The following COL28A1 variants were observed in gnomAD, a reference collection of about 807,000 sequenced individuals.
COL28A1 encodes collagen alpha-1(XXVIII) chain.
COL28A1 carries 161 observed loss-of-function variants against 150.2 expected under a neutral mutation model. The observed-to-expected ratio is 1.07, with a 90% CI of 0.94 to 1.22. The LOEUF (loss-of-function observed/expected upper bound fraction) is 1.22. Ranked by LOEUF, COL28A1 falls within the 50% of genes most tolerant of loss-of-function variation. COL28A1 has a pLI of 0.00. For synonymous variants in COL28A1, 552 were observed against 469.7 expected (o/e 1.18, Z -2.26); for missense variants, 1,617 against 1,388.3 (o/e 1.16, Z -2.62).
At chr7:7,514,914 G>A (rs545986504) in intron 8 of COL28A1, among the ~76,000 whole-genome samples, 1 of 152,152 alleles carries the variant, frequency 6.6e-6, no homozygotes, top group Non-Finnish European at 1.5e-5. Flanking sequence ...ATATGGAAAG[G>A]AGGTTTTTGT....
chr7:7,452,191 A>G, intron 18 of COL28A1, 128 bp downstream of exon 18: 1 of 1,389,098 alleles, frequency 7.2e-7, no homozygotes, highest in Non-Finnish European at 9.5e-7. Context: ...CGCACTTAAA[A>G]AGTAAAAGGA....
chr7:7,417,508 AGGGAAG>A (rs2128307047), intron 27 of COL28A1: 1 of 153,446 alleles, frequency 6.5e-6, no homozygotes, highest in African/African-American at 9.1e-5. Context: ...AGGGAGGGGG[AGGGAAG>A]GAGGGAGGGG....
At chr7:7,473,698 A>G (rs1788624781) in intron 15 of COL28A1, among the ~76,000 whole-genome samples, 1 of 152,212 alleles carries the variant, frequency 6.6e-6, no homozygotes, top group African/African-American at 2.4e-5. Context: ...ATCTACCCAG[A>G]GGAAAAGTCG....
the COL28A1 span, among the ~76,000 whole-genome samples, chr7:7,346,784 C>G: frequency 5.9e-5 from 9 of 151,908 alleles, no homozygotes; most frequent in African/African-American, 2.2e-4. Context: ...AGGAAAAGGG[C>G]TTAAGAAAGA....
chr7:7,341,175 G>A, the COL28A1 span, among the ~76,000 whole-genome samples: 1 of 152,092 alleles, frequency 6.6e-6, no homozygotes, highest in Non-Finnish European at 1.5e-5. Flanking sequence ...GACACCCAGT[G>A]TATGATGTAG....
chr7:7,421,903 A>G (rs1488999456), intron 25 of COL28A1, among the ~76,000 whole-genome samples: 1 of 151,852 alleles, frequency 6.6e-6, no homozygotes, highest in Non-Finnish European at 1.5e-5. Context: ...TCTCCTACTG[A>G]CTCCCATCTT....
At chr7:7,495,711 C>T (rs755904386) in intron 11 of COL28A1, among the ~76,000 whole-genome samples, 2 of 152,184 alleles carry the variant, frequency 1.3e-5, no homozygotes, top group East Asian at 1.9e-4. Context: ...CTCTACCACG[C>T]GTCTCCAGTC....
At chr7:7,472,150 T>C (rs987493881) in intron 15 of COL28A1, among the ~76,000 whole-genome samples, 5 of 152,070 alleles carry the variant, frequency 3.3e-5, no homozygotes, top group African/African-American at 9.7e-5. Context: ...CTCTGACACA[T>C]AGTACTGGAA....
At chr7:7,422,687 T>C (rs1302278927) in intron 25 of COL28A1, among the ~76,000 whole-genome samples, 2 of 150,984 alleles carry the variant, frequency 1.3e-5, no homozygotes, top group East Asian at 3.9e-4. Flanking sequence ...CCTGCTGTGA[T>C]ACATTAGAGA....
intron 11 of COL28A1, among the ~76,000 whole-genome samples, chr7:7,501,724 G>C (rs1483891604): frequency 6.6e-6 from 1 of 152,090 alleles, no homozygotes; most frequent in Admixed American, 6.5e-5. Flanking sequence ...TGCAACCTGA[G>C]CCACCATGAC....
chr7:7,475,808 C>G (rs1183679813), intron 14 of COL28A1, among the ~76,000 whole-genome samples: 1 of 152,056 alleles, frequency 6.6e-6, no homozygotes, highest in Non-Finnish European at 1.5e-5. Flanking sequence ...GATGTCATGC[C>G]AAGTTGCTGA....
chr7:7,453,187 G>A (rs1053337992), intron 17 of COL28A1, among the ~76,000 whole-genome samples: 1 of 152,140 alleles, frequency 6.6e-6, no homozygotes, highest in Non-Finnish European at 1.5e-5. Context: ...TGAGTTGGTA[G>A]AATAGGATCT....
chr7:7,379,066 C>A (rs950201898), intron 30 of COL28A1, among the ~76,000 whole-genome samples: 1 of 152,210 alleles, frequency 6.6e-6, no homozygotes, highest in African/African-American at 2.4e-5. Context: ...TCTGGAATTG[C>A]ATGCATCCAG....
At chr7:7,509,388 T>C (rs1353659469) in intron 9 of COL28A1, among the ~76,000 whole-genome samples, 1 of 152,188 alleles carries the variant, frequency 6.6e-6, no homozygotes, top group Non-Finnish European at 1.5e-5. Flanking sequence ...CTAATTTTAA[T>C]GTATTAATTT....
intron 27 of COL28A1, among the ~76,000 whole-genome samples, chr7:7,395,941 G>C (rs907526486): frequency 6.6e-6 from 1 of 152,208 alleles, no homozygotes; most frequent in Non-Finnish European, 1.5e-5. Context: ...CCAGGATTAA[G>C]ATGTTGACTT....
chr7:7,406,344 A>T (rs935685568), intron 27 of COL28A1, among the ~76,000 whole-genome samples: 4 of 152,178 alleles, frequency 2.6e-5, no homozygotes, highest in Non-Finnish European at 5.9e-5. Context: ...GCCTCCATAC[A>T]TTCATTCAAG....
intron 14 of COL28A1, 45 bp downstream of exon 14, chr7:7,477,067 C>T: frequency 1.2e-6 from 1 of 864,090 alleles, no homozygotes; most frequent in South Asian, 1.4e-5. Context: ...AATTCACGAG[C>T]ATGTAAGACA....
intron 14 of COL28A1, among the ~76,000 whole-genome samples, chr7:7,475,108 CTTTT>C (rs139796835): frequency 6.7e-6 from 1 of 149,682 alleles, no homozygotes; most frequent in Non-Finnish European, 1.5e-5. Context: ...AGATTATTAC[CTTTT>C]TTTTTGTTTA....
At chr7:7,444,817 T>C (rs1786125489) in intron 18 of COL28A1, among the ~76,000 whole-genome samples, 1 of 152,112 alleles carries the variant, frequency 6.6e-6, no homozygotes, top group Non-Finnish European at 1.5e-5. Flanking sequence ...TAATTCAGTA[T>C]AAAAGGTGAT....
Sources: gnomAD v4.1 joint callset for allele counts (sites outside exome capture counted in the v4.1 genomes callset) on GRCh38, gnomAD v4.1.1 for gene constraint, MANE v1.5 for transcripts, NCBI Gene and HGNC (gene_info 2026-07-23, HGNC 2026-07-21) for gene names.